Variants in TENM3 observed in about 807,000 individuals in gnomAD.
TENM3 encodes teneurin-3.
TENM3 carries 63 observed loss-of-function variants against 255.1 expected under a neutral mutation model. The observed-to-expected ratio is 0.25, with a 90% CI of 0.20 to 0.30. TENM3 has a LOEUF of 0.30. Among genes scored for constraint, TENM3 ranks in the 10% least tolerant of loss-of-function variants. TENM3 has a pLI of 1.00. For missense variants in TENM3, 2,929 were observed against 3,461.1 expected (o/e 0.85, Z 3.86); for synonymous variants, 1,306 against 1,322.3 (o/e 0.99, Z 0.27).
At chr4:181,583,709 C>T in the TENM3 span, among the ~76,000 whole-genome samples, 1 of 152,042 alleles carries the variant, frequency 6.6e-6, no homozygotes. Context: ...ACTGTGTTAC[C>T]TGCTGATTTC....
intron 3 of TENM3, among the ~76,000 whole-genome samples, chr4:182,500,269 T>C (rs563428784): frequency 1.3e-4 from 20 of 152,176 alleles, no homozygotes; most frequent in African/African-American, 4.8e-4. Flanking sequence ...AGTAAATGAG[T>C]TCATGGTAAG....
chr4:182,719,298 G>C (rs1311563352), intron 13 of TENM3, among the ~76,000 whole-genome samples: 1 of 106,512 alleles, frequency 9.4e-6, no homozygotes, highest in Non-Finnish European at 1.7e-5. Context: ...GTCTCGCTCT[G>C]TCTCCCAGGC....
At chr4:181,983,475 T>C in the TENM3 span, among the ~76,000 whole-genome samples, 2 of 152,178 alleles carry the variant, frequency 1.3e-5, no homozygotes, top group African/African-American at 4.8e-5. Context: ...ATATTCACAA[T>C]CAACATCTTC....
chr4:182,586,844 TATC>T (rs1245494449), intron 3 of TENM3, among the ~76,000 whole-genome samples: 11 of 152,272 alleles, frequency 7.2e-5, no homozygotes, highest in Admixed American at 2.0e-4. Context: ...AGAAATAACA[TATC>T]AAATAATATG....
At chr4:181,596,546 A>C in the TENM3 span, among the ~76,000 whole-genome samples, 1,905 of 152,276 alleles carry the variant, frequency 0.013, 25 homozygotes, top group Middle Eastern at 0.058. Context: ...AATGAAACCC[A>C]ACTATTAAGT....
the TENM3 span, among the ~76,000 whole-genome samples, chr4:181,632,899 G>T: frequency 6.6e-6 from 1 of 152,164 alleles, no homozygotes; most frequent in Non-Finnish European, 1.5e-5. Flanking sequence ...TTCAGTAGTA[G>T]TCCTATAACC....
At chr4:181,923,622 A>G in the TENM3 span, among the ~76,000 whole-genome samples, 1 of 152,218 alleles carries the variant, frequency 6.6e-6, no homozygotes, top group Non-Finnish European at 1.5e-5. Context: ...GTAAACAAAC[A>G]TATTAAACTA....
At chr4:181,571,360 A>C in the TENM3 span, among the ~76,000 whole-genome samples, 1 of 152,172 alleles carries the variant, frequency 6.6e-6, no homozygotes, top group Non-Finnish European at 1.5e-5. Flanking sequence ...TTTTAAAGAC[A>C]GGGTCTCACT....
the TENM3 span, among the ~76,000 whole-genome samples, chr4:181,924,792 A>C: frequency 6.6e-6 from 1 of 152,214 alleles, no homozygotes; most frequent in Non-Finnish European, 1.5e-5. Flanking sequence ...ACTTGAATTA[A>C]AAATAGAGAG....
chr4:181,558,564 C>T, the TENM3 span, among the ~76,000 whole-genome samples: 1 of 152,202 alleles, frequency 6.6e-6, no homozygotes, highest in Non-Finnish European at 1.5e-5. Context: ...AGTTTTCTGT[C>T]AGTCCAAATG....
At chr4:181,547,703 TTAGTTA>T in the TENM3 span, among the ~76,000 whole-genome samples, 3 of 152,106 alleles carry the variant, frequency 2.0e-5, no homozygotes, top group Non-Finnish European at 4.4e-5. Context: ...AAACAATGCC[TTAGTTA>T]TAGTTAACTT....
At chr4:181,544,241 C>A in the TENM3 span, among the ~76,000 whole-genome samples, 1 of 151,728 alleles carries the variant, frequency 6.6e-6, no homozygotes, top group African/African-American at 2.4e-5. Flanking sequence ...TAATAAATTT[C>A]TAACTATAAA....
the TENM3 span, among the ~76,000 whole-genome samples, chr4:181,488,116 T>C: frequency 7.4e-4 from 112 of 152,346 alleles, 1 homozygote; most frequent in African/African-American, 2.6e-3. Context: ...TGGATTCTTC[T>C]TGGCTTTGTA....
At chr4:181,857,551 C>CAAAAAAAAAAA in the TENM3 span, among the ~76,000 whole-genome samples, 3 of 104,798 alleles carry the variant, frequency 2.9e-5, no homozygotes, top group Non-Finnish European at 3.7e-5. Context: ...CCTGTCTCTA[C>CAAAAAAAAAAA]AAAAAAAAAA....
intron 27 of TENM3, among the ~76,000 whole-genome samples, chr4:182,797,370 C>A (rs375739977): frequency 1.3e-5 from 2 of 151,342 alleles, no homozygotes; most frequent in Non-Finnish European, 2.9e-5. Context: ...ACCTGGGAGG[C>A]GGAGGTTGCA....
the TENM3 span, among the ~76,000 whole-genome samples, chr4:182,095,886 A>G: frequency 1.5e-5 from 2 of 135,052 alleles, no homozygotes; most frequent in Non-Finnish European, 3.4e-5. Flanking sequence ...TAAAAAAGAA[A>G]GAGATCAATC....
intron 3 of TENM3, among the ~76,000 whole-genome samples, chr4:182,350,975 G>T (rs988289295): frequency 6.6e-6 from 1 of 152,132 alleles, no homozygotes; most frequent in Non-Finnish European, 1.5e-5. Context: ...GAGCCACCGC[G>T]CCCGGCCACT....
chr4:181,946,955 A>G, the TENM3 span, among the ~76,000 whole-genome samples: 2 of 152,236 alleles, frequency 1.3e-5, no homozygotes, highest in Non-Finnish European at 2.9e-5. Flanking sequence ...CTATGGTTAC[A>G]TCAGAAACAC....
the TENM3 span, among the ~76,000 whole-genome samples, chr4:182,122,679 T>C: frequency 1.3e-5 from 2 of 152,194 alleles, no homozygotes; most frequent in African/African-American, 4.8e-5. Context: ...AAATTTAGCA[T>C]AATTTTAAGG....
Sources: allele counts gnomAD v4.1 joint callset (sites outside exome capture counted in the v4.1 genomes callset), GRCh38; gene constraint gnomAD v4.1.1; transcripts MANE v1.5; gene names NCBI Gene and HGNC (gene_info 2026-07-23, HGNC 2026-07-21).